VWCE: variants seen among roughly 807,000 people sequenced by gnomAD.
VWCE encodes von Willebrand factor C and EGF domain-containing protein.
In VWCE, 68 loss-of-function variants were observed where a neutral mutation model predicts 102.9. That is an observed-to-expected ratio of 0.66 (90% confidence interval 0.54 to 0.81). The LOEUF (loss-of-function observed/expected upper bound fraction) is 0.81. VWCE is among the 30% of genes least tolerant of loss of function. The pLI, the probability that VWCE is intolerant of heterozygous loss-of-function variation, is 0.00. For missense variants in VWCE, 1,137 were observed against 1,263.6 expected, an observed-to-expected ratio of 0.90 and a Z score of 1.52; for synonymous variants, 497 against 515.4, an observed-to-expected ratio of 0.96 and a Z score of 0.48.
chr11:61,262,073 C>T (rs1310526756), intron 19 of VWCE, among the ~76,000 whole-genome samples: 1 of 152,112 alleles, frequency 6.6e-6, no homozygotes, highest in Non-Finnish European at 1.5e-5. Flanking sequence ...CCTGCCTCAG[C>T]CTCCCAAATA....
At position 61,259,297 on chromosome 11, in the gene VWCE, AGAG is replaced by A. The variant is rs774543481; in HGVS notation, c.2243_2245del (p.Pro748del). The stretch of plus-strand genomic sequence containing the variant: ...AGGGGAGAGCCCCTGCTTTTCTTCC[AGAG>A]GAGACAGGGAATCTAGAGAGACGAG... On this transcript the variant is annotated inframe_deletion, in exon 20 of 20. Coordinates refer to ENST00000335613, the MANE Select transcript of VWCE (RefSeq NM_152718.2). 5.6e-5 allele frequency: 89 copies of A among 1,584,590 alleles called. No homozygotes were observed. The East Asian group carries it at 1.9e-3, about 34-fold the overall frequency.
chr11:61,262,138 G>T (rs1357773588), intron 19 of VWCE, among the ~76,000 whole-genome samples: 1 of 152,118 alleles, frequency 6.6e-6, no homozygotes, highest in East Asian at 1.9e-4. Flanking sequence ...ATTTTTAGTA[G>T]AGACAGGGTT....
At chr11:61,268,817 C>G in intron 15 of VWCE, 105 bp downstream of exon 15, 1 of 1,167,294 alleles carries the variant, frequency 8.6e-7, no homozygotes, top group African/African-American at 1.5e-5. Context: ...GGGGTTGTCC[C>G]TTGGGGTTGT....
intron 6 of VWCE, 133 bp downstream of exon 6, chr11:61,282,656 A>AT: frequency 1.4e-6 from 1 of 736,440 alleles, no homozygotes; most frequent in South Asian, 1.8e-5. Context: ...GCTCTGAGCC[A>AT]AAGGCTCAAG....
intron 4 of VWCE, 110 bp from the exon 5 acceptor site, chr11:61,286,540 C>T (rs1169924966): frequency 1.3e-5 from 13 of 982,708 alleles, no homozygotes; most frequent in African/African-American, 3.2e-5. Flanking sequence ...TGGTGGCTCA[C>T]GCCTGTAATC....
Position 61,295,056 on chromosome 11 carries a change from C to A in VWCE, c.-19G>T. The stretch of plus-strand genomic sequence containing the variant: ...CCCACATGACCGGCGGCGGCGGGTC[C>A]CCCGGGCTGGGCTCGGCTCCTGCGC... On this transcript the variant is annotated 5_prime_UTR_variant, in exon 1 of 20. Transcript: ENST00000335613. The surrounding 1 kb of genome is among the most constrained non-coding windows in gnomAD (Gnocchi z 4.6). 1 of 1,346,864 alleles carries A rather than the reference C, an allele frequency of 7.4e-7. No individual in the cohort carries two copies. Among genetic ancestry groups the A allele is most frequent in the East Asian group, 3.1e-5 (1 of 32,096 alleles). 83.4% of individuals were successfully genotyped at this position (1,346,864 alleles called of 1,614,324 possible).
At chr11:61,288,020 T>C (rs974047159) in intron 4 of VWCE, among the ~76,000 whole-genome samples, 2 of 151,680 alleles carry the variant, frequency 1.3e-5, no homozygotes, top group Non-Finnish European at 2.9e-5. Context: ...TAGCTGGGCA[T>C]GCTGGCACGT....
chr11:61,273,385 A>C, intron 12 of VWCE, 69 bp from the exon 13 acceptor site: 1 of 1,432,714 alleles, frequency 7.0e-7, no homozygotes, highest in Non-Finnish European at 9.4e-7. Context: ...GAGCTAGAGG[A>C]GGCCGCAGGC....
At position 61,280,649 on chromosome 11, in the gene VWCE, A is replaced by T; in HGVS notation, c.1299T>A (p.Asp433Glu). ...CTGTGCACGATGGGCAGCACCCACC[A>T]TCTCTGGAGGGAATTGGGTGGGAAC... The part of the protein sequence containing the change: ...AACSHPIPSR[D>E]GGCCPSCTGC... The change falls in exon 9 of 20, where the codon GAT (aspartate) becomes GAA (glutamate). Residue 433 changes from aspartate to glutamate, a missense_variant. Coordinates refer to ENST00000335613, the MANE Select transcript of VWCE (RefSeq NM_152718.2). The T allele has an allele frequency of 1.2e-6, 2 of 1,614,104 alleles. No individual in the cohort carries two copies. The highest frequency in any genetic ancestry group is 8.5e-7 in the Non-Finnish European group (1 of 1,180,014).
chr11:61,267,331 G>A (rs1415390853), intron 16 of VWCE, 131 bp downstream of exon 16: 1 of 902,214 alleles, frequency 1.1e-6, no homozygotes, highest in South Asian at 1.5e-5. Flanking sequence ...ACTGGAGGGA[G>A]CTGACTTCCA....
At chr11:61,276,823 A>G (rs1333322155) in intron 10 of VWCE, 143 bp from the exon 11 acceptor site, 5 of 399,006 alleles carry the variant, frequency 1.3e-5, no homozygotes, top group Non-Finnish European at 2.1e-5. Context: ...AGCCTGGGCA[A>G]CAAAATGAGA....
intron 13 of VWCE, among the ~76,000 whole-genome samples, chr11:61,272,153 T>C (rs1413581188): frequency 6.7e-6 from 1 of 150,124 alleles, no homozygotes; most frequent in African/African-American, 2.5e-5. Flanking sequence ...CAAATGCACA[T>C]TTACATACAC....
intron 19 of VWCE, 43 bp from the exon 20 acceptor site, chr11:61,259,355 C>A: frequency 2.0e-6 from 3 of 1,531,226 alleles, no homozygotes; most frequent in Non-Finnish European, 1.8e-6. Flanking sequence ...TGGCTCTCTC[C>A]AGTGGCCAAG....
chr11:61,269,682 A>G (rs1854617547), intron 14 of VWCE, among the ~76,000 whole-genome samples: 1 of 151,880 alleles, frequency 6.6e-6, no homozygotes, highest in African/African-American at 2.4e-5. Context: ...CTGACCTCAG[A>G]TGATCCACCT....
At chr11:61,262,855 A>G (rs1407743297) in intron 19 of VWCE, among the ~76,000 whole-genome samples, 3 of 152,248 alleles carry the variant, frequency 2.0e-5, no homozygotes, top group Non-Finnish European at 4.4e-5. Flanking sequence ...GTATTTATCC[A>G]AAAGATTTAA....
At chr11:61,263,076 G>A (rs781198491) in intron 19 of VWCE, among the ~76,000 whole-genome samples, 1 of 152,234 alleles carries the variant, frequency 6.6e-6, no homozygotes, top group Non-Finnish European at 1.5e-5. Context: ...GGAGGCCGAG[G>A]TGGGTGGATC....
intron 6 of VWCE, 106 bp from the exon 7 acceptor site, chr11:61,282,020 T>C: frequency 6.6e-7 from 1 of 1,507,236 alleles, no homozygotes; most frequent in Non-Finnish European, 8.9e-7. Context: ...TGCCATGTTC[T>C]TACAGGGTCC....
chr11:61,270,825 CTTTT>C (rs1243630767), intron 14 of VWCE, among the ~76,000 whole-genome samples: 7 of 134,236 alleles, frequency 5.2e-5, no homozygotes, highest in Non-Finnish European at 9.6e-5. Context: ...GTTACACACA[CTTTT>C]TTTTTTTTTT....
intron 5 of VWCE, among the ~76,000 whole-genome samples, chr11:61,285,822 C>T (rs756195333): frequency 1.3e-4 from 20 of 152,202 alleles, no homozygotes; most frequent in Admixed American, 3.3e-4. Context: ...GGTGCAATTT[C>T]GGCTCACTGC....
Sources: gnomAD v4.1 joint callset for allele counts (sites outside exome capture counted in the v4.1 genomes callset) on GRCh38, gnomAD v4.1.1 for gene constraint, Gnocchi (gnomAD v3.1) non-coding constraint, MANE v1.5 for transcripts, NCBI Gene and HGNC (gene_info 2026-07-23, HGNC 2026-07-21) for gene names.